The following SMC5 variants were observed in gnomAD, a reference collection of about 807,000 sequenced individuals.
The protein encoded by SMC5 is structural maintenance of chromosomes 5.
A neutral mutation model predicts 148.3 loss-of-function variants in SMC5; 88 were observed. The observed-to-expected ratio is 0.59, with a 90% CI of 0.50 to 0.71. The LOEUF (loss-of-function observed/expected upper bound fraction) is 0.71. Among genes scored for constraint, SMC5 ranks in the 30% least tolerant of loss-of-function variants. The pLI is 0.00. For synonymous variants in SMC5, 421 were observed against 432.8 expected (o/e 0.97, Z 0.34); for missense variants, 1,142 against 1,298.9 (o/e 0.88, Z 1.86).
chr9:70,342,092 A>G lies in SMC5; in HGVS notation c.2398-2052A>G, dbSNP rs565288760. Among the ~76,000 whole-genome samples the G allele has an allele frequency of 3.9e-3, 589 of 151,700 alleles. 3 individuals carry two copies. Among genetic ancestry groups the G allele is most frequent in the African/African-American group, 0.013 (545 of 41,328 alleles). ...TGATGAGTTCATGTCCTTTGTAGGG[A>G]CATGGATGAAATTGGAAATCATCAT... is the stretch of plus-strand genomic sequence containing the variant. On this transcript the variant is annotated intron_variant, in intron 17 of 24. Coordinates refer to ENST00000361138, the MANE Select transcript of SMC5 (RefSeq NM_015110.4).
chr9:70,289,318 G>A (rs1052005789), intron 8 of SMC5, among the ~76,000 whole-genome samples: 1 of 152,158 alleles, frequency 6.6e-6, no homozygotes, highest in African/African-American at 2.4e-5. Context: ...AATTACAAGT[G>A]TGAGCTACCG....
intron 17 of SMC5, among the ~76,000 whole-genome samples, chr9:70,333,468 G>GTT (rs1587705195): frequency 1.3e-5 from 2 of 151,968 alleles, no homozygotes; most frequent in East Asian, 3.9e-4. Flanking sequence ...ATAAAACCCT[G>GTT]TCATTAAAAA....
At chr9:70,348,512 C>A (rs1407892857) in intron 22 of SMC5, among the ~76,000 whole-genome samples, 1 of 150,612 alleles carries the variant, frequency 6.6e-6, no homozygotes, top group Non-Finnish European at 1.5e-5. Context: ...GGCAACATGG[C>A]AAAATCGCAT....
intron 11 of SMC5, chr9:70,311,217 C>T (rs2035648074): frequency 6.6e-6 from 1 of 152,132 alleles, no homozygotes; most frequent in African/African-American, 2.4e-5. Flanking sequence ...AAACCTGTGA[C>T]TCTTCTTTTC....
chr9:70,317,788 T>C (rs573039910), intron 13 of SMC5, among the ~76,000 whole-genome samples: 8 of 152,308 alleles, frequency 5.3e-5, no homozygotes, highest in Non-Finnish European at 7.4e-5. Flanking sequence ...TCTAAAAAAC[T>C]TTAAAAATAA....
intron 17 of SMC5, among the ~76,000 whole-genome samples, chr9:70,326,095 ATAT>A (rs1372024910): frequency 2.0e-5 from 3 of 152,166 alleles, no homozygotes; most frequent in African/African-American, 7.2e-5. Context: ...AACATCAGTC[ATAT>A]TATTAAATGC....
Position 70,347,984 on chromosome 9 carries a change from T to C in SMC5, c.2835T>C (p.Asn945=), listed in dbSNP as rs778654653. 6.2e-7 allele frequency: 1 copy of C among 1,605,560 alleles called. No homozygotes were observed. The highest frequency in any genetic ancestry group is 8.5e-7 in the Non-Finnish European group (1 of 1,176,470). The change falls in exon 22 of 25, where the codon AAT becomes AAC. Residue 945 remains asparagine, a synonymous_variant. Coordinates refer to ENST00000361138, the MANE Select transcript of SMC5 (RefSeq NM_015110.4). Reference sequence around the variant, plus strand: ...AAAAAATTAATGAAAAATTCAGCAATTTTTTTAGTTCCATGCAGTGTGCTG... The same window carrying C: ...AAAAAATTAATGAAAAATTCAGCAACTTTTTTAGTTCCATGCAGTGTGCTG... The part of the protein sequence containing the change: ...LVEKINEKFS[N]FFSSMQCAGE...
chr9:70,286,337 A>T (rs2034901688), intron 8 of SMC5, 66 bp downstream of exon 8: 1 of 959,346 alleles, frequency 1.0e-6, no homozygotes, highest in Non-Finnish European at 1.6e-6. Flanking sequence ...TCAAATACAG[A>T]TTATGAGACA....
At chr9:70,264,548 G>T in intron 2 of SMC5, 103 bp downstream of exon 2, 1 of 1,098,318 alleles carries the variant, frequency 9.1e-7, no homozygotes, top group South Asian at 1.7e-5. Flanking sequence ...AAACTTAATA[G>T]TGCATGAATA....
At chr9:70,321,609 A>G (rs767336802) in intron 15 of SMC5, among the ~76,000 whole-genome samples, 1 of 151,820 alleles carries the variant, frequency 6.6e-6, no homozygotes, top group Non-Finnish European at 1.5e-5. Context: ...CTCGAACACC[A>G]GACCTCAATC....
At chr9:70,328,019 C>T (rs1888155) in intron 17 of SMC5, among the ~76,000 whole-genome samples, 12,165 of 152,062 alleles carry the variant, frequency 0.08, 587 homozygotes, top group African/African-American at 0.14. Context: ...TTTAAACAAC[C>T]GGATCTTGTG....
At chr9:70,296,501 C>T (rs993581996) in intron 8 of SMC5, among the ~76,000 whole-genome samples, 2 of 150,272 alleles carry the variant, frequency 1.3e-5, no homozygotes, top group South Asian at 2.1e-4. Flanking sequence ...TGCAGTGAAC[C>T]GAGATCGCAC....
intron 17 of SMC5, among the ~76,000 whole-genome samples, chr9:70,339,301 CGCCTGTAG>C (rs1384861355): frequency 6.6e-6 from 1 of 151,874 alleles, no homozygotes; most frequent in Non-Finnish European, 1.5e-5. Context: ...TGGTGGCGGG[CGCCTGTAG>C]TCCCAGCTAC....
intron 3 of SMC5, among the ~76,000 whole-genome samples, chr9:70,273,511 TCTTAC>T (rs1328601769): frequency 2.6e-5 from 4 of 152,064 alleles, no homozygotes; most frequent in South Asian, 4.1e-4. Context: ...TAATTTCTAT[TCTTAC>T]CTTTACTGAT....
intron 8 of SMC5, among the ~76,000 whole-genome samples, chr9:70,292,418 G>A (rs894345452): frequency 3.3e-5 from 5 of 151,880 alleles, no homozygotes; most frequent in Non-Finnish European, 7.4e-5. Flanking sequence ...AGATATTTTG[G>A]GAGTTTCTAC....
At chr9:70,276,701 G>C (rs1253177458) in intron 3 of SMC5, among the ~76,000 whole-genome samples, 3 of 152,136 alleles carry the variant, frequency 2.0e-5, no homozygotes, top group African/African-American at 7.2e-5. Flanking sequence ...GGGAGGTGTG[G>C]AGCAGTAGTA....
chr9:70,347,568 C>T lies in SMC5; in HGVS notation c.2665-45C>T, dbSNP rs2036696390. 2.9e-6 allele frequency: 3 copies of T among 1,018,422 alleles called. No homozygotes were observed. The African/African-American group carries it at 5.0e-5, about 17-fold the overall frequency. The allele number at this position is 1,018,422 out of a possible 1,614,324, so 63.1% of individuals were successfully genotyped here. A position where few individuals can be genotyped will look rare whatever the true frequency, so the allele number is the denominator to read the frequency against. On this transcript the variant is annotated intron_variant, in intron 20 of 24. Transcript: ENST00000361138. ...AATGCAAAATTGTATATAGTTTTAT[C>T]CTTTGGTAGATTTATCTTAAAGAAG...
At chr9:70,343,289 A>T (rs972156016) in intron 17 of SMC5, among the ~76,000 whole-genome samples, 2 of 152,164 alleles carry the variant, frequency 1.3e-5, no homozygotes, top group African/African-American at 2.4e-5. Flanking sequence ...TTCTGTTATG[A>T]TAATGATCCT....
chr9:70,300,318 C>T, intron 10 of SMC5, 118 bp downstream of exon 10: 1 of 838,620 alleles, frequency 1.2e-6, no homozygotes, highest in South Asian at 1.9e-5. Context: ...CTTGTGGCAT[C>T]TGGCATACTG....
Sources: allele counts gnomAD v4.1 joint callset (sites outside exome capture counted in the v4.1 genomes callset), GRCh38; gene constraint gnomAD v4.1.1; transcripts MANE v1.5; gene names NCBI Gene and HGNC (gene_info 2026-07-23, HGNC 2026-07-21).